The following EIF4G2 variants were observed in gnomAD, a reference collection of about 807,000 sequenced individuals.
EIF4G2 encodes eukaryotic translation initiation factor 4 gamma 2.
Under a neutral mutation model 117.7 loss-of-function variants are expected in EIF4G2, and 8 were observed. The ratio of observed to expected loss-of-function variants is 0.07; its 90% confidence interval spans 0.04 to 0.12. EIF4G2 has a LOEUF of 0.12. Ranked by LOEUF, EIF4G2 falls within the 10% of genes least tolerant of loss-of-function variation. EIF4G2 has a pLI of 1.00. For synonymous variants in EIF4G2, 413 were observed against 367.8 expected, an observed-to-expected ratio of 1.12 and a Z score of -1.41; for missense variants, 812 against 1,086.2, an observed-to-expected ratio of 0.75 and a Z score of 3.55.
In EIF4G2 at chr11:10,805,996, T is replaced by C. The variant is rs764151378; in HGVS notation, c.159A>G (p.Ala53=). 3.7e-6 allele frequency: 6 copies of C among 1,614,150 alleles called. No homozygotes were observed. The highest frequency in any genetic ancestry group is 5.1e-6 in the Non-Finnish European group (6 of 1,180,054). ...AGTTGTCATCTCGTCTAGTGCTTCG[T>C]GCAGGAATCCATTTCTGAGCGTTTT... is the stretch of plus-strand genomic sequence containing the variant. The change falls in exon 4 of 22, where the codon GCA becomes GCG. Residue 53 remains alanine (A), a synonymous_variant. Transcript: ENST00000339995.
rs1590047507 is a variant in EIF4G2, at chr11:10,808,760, C to G, written c.-142G>C. The G allele has an allele frequency of 7.2e-6, 1 of 138,342 alleles. No homozygotes were observed. Among genetic ancestry groups the G allele is most frequent in the South Asian group, 1.9e-4 (1 of 5,176 alleles). 8.6% of individuals were successfully genotyped at this position (138,342 alleles called of 1,614,324 possible). ...AGCTGCCTCCTCAGGATCCGGTCGT[C>G]GGGGATAGGGAAGGGAGGGGAAAGG... On this transcript the variant is annotated 5_prime_UTR_variant, in exon 1 of 22. Coordinates refer to ENST00000339995, the MANE Select transcript of EIF4G2 (RefSeq NM_001418.4).
At chr11:10,807,852 G>GTATCATTAAA in intron 1 of EIF4G2, 8 of 985,750 alleles carry the variant, frequency 8.1e-6, no homozygotes, top group South Asian at 9.3e-5. Context: ...AAAGACGCGC[G>GTATCATTAAA]AGAGGGGGCC....
chr11:10,800,104 T>C lies in EIF4G2; in HGVS notation c.2105A>G (p.Gln702Arg). 4 of 1,613,070 alleles carry C rather than the reference T, an allele frequency of 2.5e-6. No individual in the cohort carries two copies. Among genetic ancestry groups the C allele is most frequent in the Non-Finnish European group, 3.4e-6 (4 of 1,179,404 alleles). The stretch of plus-strand genomic sequence containing the variant: ...CATTCTCTTACCTGGGAGCATTTTC[T>C]GCATATTGACCTTGCTTTGTTGAAA... The change falls in exon 18 of 22, where the codon CAG becomes CGG. Residue 702 changes from glutamine to arginine, a missense_variant. Gln to Arg is a conservative substitution (Grantham distance 43). Transcript: ENST00000339995.
rs1590038800 is a variant in EIF4G2, at chr11:10,799,316, A to G, written c.2433T>C (p.Ser811=). The change falls in exon 20 of 22, where the codon TCT becomes TCC. Residue 811 remains serine, a synonymous_variant. Transcript: ENST00000339995. ...GAAATTTCTGCATTACTGGCTTGAA[A>G]GATAGTAGTAGTTGTTTTTCCTGCT... 6.2e-7 allele frequency: 1 copy of G among 1,614,088 alleles called. No homozygotes were observed. Among genetic ancestry groups the G allele is most frequent in the Non-Finnish European group, 8.5e-7 (1 of 1,180,022 alleles).
In EIF4G2 at chr11:10,799,282, G is replaced by A. The variant is rs1193097179; in HGVS notation, c.2467C>T (p.His823Tyr). The A allele has an allele frequency of 1.2e-6, 2 of 1,614,170 alleles. No individual in the cohort carries two copies. The highest frequency in any genetic ancestry group is 1.7e-6 in the Non-Finnish European group (2 of 1,180,038). ...AGGGCACTGACTTGTAGATCAACGT[G>A]ATCATGAAGAAATTTCTGCATTACT... The change falls in exon 20 of 22, where the codon CAC becomes TAC. Residue 823 changes from histidine (H) to tyrosine (Y), a missense_variant. Around this residue, in one of 4 missense-constraint regions of EIF4G2, gnomAD observed 571 missense variants for 642.3 expected, o/e 0.89. Transcript: ENST00000339995.
Position 10,803,159 on chromosome 11 carries a change from T to G in EIF4G2, c.898-31A>C, listed in dbSNP as rs1235848443. ...ATTGAAAAATAATTTTATTTTAATA[T>G]TCCTAAACCAAAAACTCAGCTTACC... is the stretch of plus-strand genomic sequence containing the variant. On this transcript the variant is annotated intron_variant, in intron 10 of 21. Coordinates refer to ENST00000339995, the MANE Select transcript of EIF4G2 (RefSeq NM_001418.4). The surrounding 1 kb of genome is among the most constrained non-coding windows in gnomAD (Gnocchi z 4.0). 1 of 1,604,944 alleles carries G rather than the reference T, an allele frequency of 6.2e-7. No individual in the cohort carries two copies. The highest frequency in any genetic ancestry group is 1.7e-5 in the Admixed American group (1 of 58,426).
At chr11:10,805,861 T>G in intron 4 of EIF4G2, 46 bp downstream of exon 4, 2 of 1,613,606 alleles carry the variant, frequency 1.2e-6, no homozygotes, top group Non-Finnish European at 1.7e-6. Context: ...CAAACACAGC[T>G]AATCCACACT....
intron 5 of EIF4G2, 168 bp from the exon 6 acceptor site, chr11:10,804,586 G>A (rs1847507153): frequency 9.5e-6 from 8 of 838,714 alleles, no homozygotes; most frequent in Middle Eastern, 3.6e-4. Context: ...AAAATGCCAT[G>A]GATATCAAAA....
rs370394820 is a variant in EIF4G2, at chr11:10,801,648, T to C, written c.1413+13A>G. On this transcript the variant is annotated intron_variant, in intron 14 of 21. Transcript: ENST00000339995. ...GACAAACTATGGTATATAAGTAACA[T>C]AGGCAAATGTACCTCATCTGCATTA... 48 of 1,604,920 alleles carry C rather than the reference T, an allele frequency of 3.0e-5. No individual in the cohort carries two copies. The African/African-American group carries it at 3.3e-4, about 11-fold the overall frequency.
At chr11:10,801,612 A>G (rs1312428506) in intron 14 of EIF4G2, 49 bp downstream of exon 14, 3 of 1,544,082 alleles carry the variant, frequency 1.9e-6, no homozygotes, top group Non-Finnish European at 2.7e-6. Context: ...CGGGCAATAA[A>G]TTTCTGAATG....
intron 3 of EIF4G2, chr11:10,806,580 C>T (rs1434056138): frequency 2.0e-6 from 1 of 497,534 alleles, no homozygotes; most frequent in Non-Finnish European, 3.6e-6. Context: ...CAGAAAAACA[C>T]ATTAGTAAAA....
intron 4 of EIF4G2, among the ~76,000 whole-genome samples, chr11:10,805,491 C>G (rs533531831): frequency 6.6e-6 from 1 of 151,970 alleles, no homozygotes; most frequent in Non-Finnish European, 1.5e-5. Context: ...TTGCTCTGCA[C>G]CCAGGCTGGA....
At chr11:10,806,265 C>G in intron 3 of EIF4G2, 1 of 621,382 alleles carries the variant, frequency 1.6e-6, no homozygotes, top group Non-Finnish European at 2.7e-6. Context: ...TCTGCTTTCA[C>G]TGGTTTGGGG....
At chr11:10,806,699 CA>C in intron 3 of EIF4G2, 120 bp downstream of exon 3, 1 of 1,106,576 alleles carries the variant, frequency 9.0e-7, no homozygotes, top group African/African-American at 1.5e-5. Context: ...GGATACCCAA[CA>C]GAAACCACGC....
rs1847289048 is a variant in EIF4G2 at position 10,797,406 on chromosome 11, A to C, written c.*410T>G. ...GTTAAGAATTTTTCTGTAACAACCA[A>C]ATGGATAATCAAATATTGCAACAAC... On this transcript the variant is annotated 3_prime_UTR_variant, in exon 22 of 22. Coordinates refer to ENST00000339995, the MANE Select transcript of EIF4G2 (RefSeq NM_001418.4). This position sits in a 1 kb window ranked among gnomAD's most constrained non-coding sequence, Gnocchi z 4.5. The C allele has an allele frequency of 6.1e-6, 1 of 163,778 alleles. No homozygotes were observed. The allele number at this position is 163,778 out of a possible 1,614,324, so 10.1% of individuals were successfully genotyped here.
chr11:10,799,583 C>T lies in EIF4G2; in HGVS notation c.2293G>A (p.Asp765Asn). 11 of 1,614,066 alleles carry T rather than the reference C, an allele frequency of 6.8e-6. No individual in the cohort carries two copies. The highest frequency in any genetic ancestry group is 9.3e-6 in the Non-Finnish European group (11 of 1,179,974). ...ATTAAGATGTTCACAAATCCTTTAT[C>T]TACATGAAGTTTGGGAGAGATGTTA... The change falls in exon 19 of 22, where the codon GAT (aspartate) becomes AAT (asparagine). Residue 765 changes from aspartate to asparagine, a missense_variant. Physicochemically the swap from Asp to Asn is conservative, Grantham distance 23 (BLOSUM62 1). Transcript: ENST00000339995.
chr11:10,799,680 T>C lies in EIF4G2; in HGVS notation c.2196A>G (p.Lys732=), dbSNP rs767940526. 5 of 1,614,158 alleles carry C rather than the reference T, an allele frequency of 3.1e-6. No homozygotes were observed. Among genetic ancestry groups the C allele is most frequent in the African/African-American group, 2.7e-5 (2 of 75,044 alleles). ...TTTGCTTCAACAGTTCCTTCTCCAA[T>C]TTGAGGAGTGGGAATAAGAAACTCA... The change falls in exon 19 of 22, where the codon AAA becomes AAG. Residue 732 remains lysine, a synonymous_variant. Coordinates refer to ENST00000339995, the MANE Select transcript of EIF4G2 (RefSeq NM_001418.4).
chr11:10,802,382 G>A lies in EIF4G2; in HGVS notation c.1050C>T (p.Phe350=). 10 of 1,613,842 alleles carry A rather than the reference G, an allele frequency of 6.2e-6. No homozygotes were observed. Among genetic ancestry groups the A allele is most frequent in the Non-Finnish European group, 8.5e-6 (10 of 1,179,952 alleles). The change falls in exon 12 of 22, where the codon TTC becomes TTT. Residue 350 remains phenylalanine (F), a synonymous_variant. Coordinates refer to ENST00000339995, the MANE Select transcript of EIF4G2 (RefSeq NM_001418.4). ...GTGGCATGAACGGTCCCTCCAGAAA[G>A]AAGTCACTTCTCATCCCTTGAGCCA...
chr11:10,799,523 T>TACCATATGCAGAAA (rs749497439), intron 19 of EIF4G2, 29 bp downstream of exon 19: 2 of 1,610,266 alleles, frequency 1.2e-6, no homozygotes, highest in African/African-American at 2.7e-5. Flanking sequence ...CATGAAACAT[T>TACCATATGCAGAAA]ACCATATGCA....
Sources: allele counts gnomAD v4.1 joint callset (sites outside exome capture counted in the v4.1 genomes callset), GRCh38; gene constraint gnomAD v4.1.1; regional missense constraint gnomAD v4.1.1; non-coding constraint Gnocchi (gnomAD v3.1); transcripts MANE v1.5; gene names NCBI Gene and HGNC (gene_info 2026-07-23, HGNC 2026-07-21).